The following RBM15 variants were observed in gnomAD, a reference collection of about 807,000 sequenced individuals.
The protein encoded by RBM15 is RNA-binding protein 15.
RBM15 carries 8 observed loss-of-function variants against 62.6 expected under a neutral mutation model. The ratio of observed to expected loss-of-function variants is 0.13; its 90% CI spans 0.07 to 0.23. The LOEUF is 0.23. Among genes scored for constraint, RBM15 ranks in the 10% least tolerant of loss-of-function variants. The pLI, the probability that RBM15 is intolerant of heterozygous loss-of-function variation, is 1.00. For missense variants in RBM15, 1,144 were observed against 1,286.5 expected, an observed-to-expected ratio of 0.89 and a Z score of 1.69; for synonymous variants, 606 against 505.7, an observed-to-expected ratio of 1.20 and a Z score of -2.66.
chr1:110,339,850 G>T lies in RBM15; in HGVS notation c.445G>T (p.Gly149Trp). The change falls in exon 1 of 3, where the codon GGG becomes TGG. Residue 149 changes from glycine (G) to tryptophan (W), a missense_variant. By Grantham distance (184) the Gly-to-Trp change is radical. Around this residue, in one of 8 missense-constraint regions of RBM15, gnomAD observed 298 missense variants for 250.0 expected, o/e 1.19. Coordinates refer to ENST00000369784, the MANE Select transcript of RBM15 (RefSeq NM_022768.5). ...GCGCAGCAGCTCCCGGGGTGGAGGC[G>T]GGGAGTCACGTTCCTCTGGGGCCGC... The part of the protein sequence containing the change: ...ESRSSSRGGG[G>W]ESRSSGAASS... The T allele has an allele frequency of 6.3e-7, 1 of 1,599,342 alleles. No homozygotes were observed. The highest frequency in any genetic ancestry group is 8.6e-7 in the Non-Finnish European group (1 of 1,169,250).
rs1660758693 is a variant in RBM15 at position 110,340,026 on chromosome 1, G to C, written c.621G>C (p.Leu207=). 6.2e-7 allele frequency: 1 copy of C among 1,614,044 alleles called. No homozygotes were observed. Among genetic ancestry groups the C allele is most frequent in the Non-Finnish European group, 8.5e-7 (1 of 1,180,048 alleles). ...ATGTAAGTGTGAAAATCAGTCATCT[G>C]TCGGGTTCTGGCAGCGGGGATGAGC... ...FGDVSVKISH[L]SGSGSGDERV... The change falls in exon 1 of 3, where the codon CTG becomes CTC. Residue 207 remains leucine (L), a synonymous_variant. Transcript: ENST00000369784. The surrounding 1 kb of genome is among the most constrained non-coding windows in gnomAD (Gnocchi z 5.8).
At position 110,341,437 on chromosome 1, in the gene RBM15, A is replaced by T. The variant is rs752702048; in HGVS notation, c.2032A>T (p.Ser678Cys). The T allele has an allele frequency of 6.8e-6, 11 of 1,613,986 alleles. No individual in the cohort carries two copies. In the East Asian group the frequency reaches 2.2e-4, roughly 33 times the overall value. Residue 678 changes from serine (S) to cysteine (C), a missense_variant, in exon 1 of 3, where the codon AGC (serine) becomes TGC (cysteine). Around this residue, in one of 8 missense-constraint regions of RBM15, gnomAD observed 360 missense variants for 342.9 expected, o/e 1.05. Coordinates refer to ENST00000369784, the MANE Select transcript of RBM15 (RefSeq NM_022768.5). This position sits in a 1 kb window ranked among gnomAD's most constrained non-coding sequence, Gnocchi z 4.5. ...TTCTCCTGACCGCAGTCCAGAATTGAGCAGTAGCCGGGATCGTTACAACAG... is the reference window on the plus strand; with the variant it reads ...TTCTCCTGACCGCAGTCCAGAATTGTGCAGTAGCCGGGATCGTTACAACAG... ...APSPDRSPEL[S>C]SSRDRYNSDN...
chr1:110,341,484 T>C lies in RBM15; in HGVS notation c.2079T>C (p.Arg693=). Residue 693 remains arginine, a synonymous_variant, in exon 1 of 3, where the codon CGT becomes CGC. Transcript: ENST00000369784. The surrounding 1 kb of genome is among the most constrained non-coding windows in gnomAD (Gnocchi z 4.5). The stretch of plus-strand genomic sequence containing the variant: ...ACAGCGACAATGATCGATCTTCCCG[T>C]CTTCTCTTGGAAAGGCCCTCTCCAA... ...RYNSDNDRSS[R]LLLERPSPIR... The C allele has an allele frequency of 6.2e-7, 1 of 1,614,040 alleles. No individual in the cohort carries two copies. Among genetic ancestry groups the C allele is most frequent in the Non-Finnish European group, 8.5e-7 (1 of 1,180,012 alleles).
rs1430800049 is a variant in RBM15, at chr1:110,341,464, G to A, written c.2059G>A (p.Asp687Asn). The change falls in exon 1 of 3, where the codon GAC becomes AAC. Residue 687 changes from aspartate (D) to asparagine (N), a missense_variant. By Grantham distance (23) the Asp-to-Asn change is conservative (BLOSUM62 1). This residue lies in a region of RBM15 where 360 missense variants were observed against 342.9 expected (regional missense o/e 1.05). Coordinates refer to ENST00000369784, the MANE Select transcript of RBM15 (RefSeq NM_022768.5). This position sits in a 1 kb window ranked among gnomAD's most constrained non-coding sequence, Gnocchi z 4.5. Reference sequence around the variant, plus strand: ...CAGTAGCCGGGATCGTTACAACAGCGACAATGATCGATCTTCCCGTCTTCT... The same window carrying A: ...CAGTAGCCGGGATCGTTACAACAGCAACAATGATCGATCTTCCCGTCTTCT... ...LSSSRDRYNS[D>N]NDRSSRLLLE... 10 of 1,613,974 alleles carry A rather than the reference G, an allele frequency of 6.2e-6. No individual in the cohort carries two copies. Among genetic ancestry groups the A allele is most frequent in the Non-Finnish European group, 8.5e-6 (10 of 1,180,044 alleles).
intron 1 of RBM15, among the ~76,000 whole-genome samples, chr1:110,343,605 T>TA (rs986525643): frequency 2.0e-5 from 3 of 152,024 alleles, no homozygotes; most frequent in Non-Finnish European, 4.4e-5. Flanking sequence ...TTTTTTTTTT[T>TA]AATCTATCCC....
At chr1:110,343,093 A>C (rs1660834294) in intron 1 of RBM15, among the ~76,000 whole-genome samples, 1 of 152,184 alleles carries the variant, frequency 6.6e-6, no homozygotes, top group Non-Finnish European at 1.5e-5. Flanking sequence ...TAGCAGGTAC[A>C]GTTCTAATCG....
intron 2 of RBM15, among the ~76,000 whole-genome samples, chr1:110,345,973 G>T (rs1417628083): frequency 6.6e-6 from 1 of 151,970 alleles, no homozygotes. Flanking sequence ...TATATTGATA[G>T]ATTATAAATT....
chr1:110,340,289 C>T lies in RBM15; in HGVS notation c.884C>T (p.Pro295Leu), dbSNP rs751703433. The T allele has an allele frequency of 2.5e-6, 4 of 1,614,242 alleles. No individual in the cohort carries two copies. The Admixed American group carries it at 6.7e-5, about 27-fold the overall frequency. Residue 295 changes from proline to leucine, a missense_variant, in exon 1 of 3, where the codon CCT becomes CTT. Around this residue, in one of 8 missense-constraint regions of RBM15, gnomAD observed 188 missense variants for 185.6 expected, o/e 1.01. Transcript: ENST00000369784. The surrounding 1 kb of genome is among the most constrained non-coding windows in gnomAD (Gnocchi z 5.8). ...GGGGGQRSLS[P>L]GGAALGYRDY... ...GGTGGAGGCCAGAGATCACTTTCCC[C>T]TGGTGGCGCTGCTTTGGGATACAGA...
rs941669699 is a variant in RBM15, at chr1:110,339,738, G to A, written c.333G>A (p.Glu111=). The change falls in exon 1 of 3, where the codon GAG becomes GAA. Residue 111 remains glutamate, a synonymous_variant. Coordinates refer to ENST00000369784, the MANE Select transcript of RBM15 (RefSeq NM_022768.5). ...DKSSSRGGSR[E]YDTGGGSSSS... is the part of the protein sequence containing the mutation. Reference sequence around the variant, plus strand: ...CCAGCAGTCGAGGTGGCAGCCGCGAGTATGATACCGGTGGGGGCAGCTCCA... The same window carrying A: ...CCAGCAGTCGAGGTGGCAGCCGCGAATATGATACCGGTGGGGGCAGCTCCA... 5.6e-6 allele frequency: 9 copies of A among 1,612,728 alleles called. No individual in the cohort carries two copies. Among genetic ancestry groups the A allele is most frequent in the Non-Finnish European group, 7.6e-6 (9 of 1,179,724 alleles).
rs983899000 is a variant in RBM15, at chr1:110,341,209, G to C, written c.1804G>C (p.Ala602Pro). ...CCGAGAACGCAGCACTCGGACTGCA[G>C]CTACTTCTGTGCCTGCTTACGAGCC... Reference protein sequence around the residue: ...PVRERSTRTAATSVPAYEPLD... With the variant: ...PVRERSTRTAPTSVPAYEPLD... The change falls in exon 1 of 3, where the codon GCT becomes CCT. Residue 602 changes from alanine to proline, a missense_variant. By Grantham distance (27) the Ala-to-Pro change is conservative (BLOSUM62 -1). Coordinates refer to ENST00000369784, the MANE Select transcript of RBM15 (RefSeq NM_022768.5). The surrounding 1 kb of genome is among the most constrained non-coding windows in gnomAD (Gnocchi z 4.5). 1 of 1,614,110 alleles carries C rather than the reference G, an allele frequency of 6.2e-7. No individual in the cohort carries two copies. Among genetic ancestry groups the C allele is most frequent in the Non-Finnish European group, 8.5e-7 (1 of 1,180,022 alleles).
In RBM15 at chr1:110,346,293, C is replaced by T. The variant is rs992683586; in HGVS notation, c.*41-15C>T. 4 of 1,587,784 alleles carry T rather than the reference C, an allele frequency of 2.5e-6. No homozygotes were observed. The Admixed American group carries it at 5.1e-5, about 20-fold the overall frequency. On this transcript the variant is annotated splice_polypyrimidine_tract_variant and intron_variant, in intron 2 of 2. Coordinates refer to ENST00000369784, the MANE Select transcript of RBM15 (RefSeq NM_022768.5). ...CATTTGTACTGAATAACCTTTTTTT[C>T]CCCCCCTCCGCAAGCAAAACTGGTT...
At chr1:110,345,279 G>T (rs1660875803) in intron 1 of RBM15, among the ~76,000 whole-genome samples, 1 of 152,052 alleles carries the variant, frequency 6.6e-6, no homozygotes, top group Admixed American at 6.6e-5. Context: ...CATTGTTTAG[G>T]TTTATTTAAA....
In RBM15 at chr1:110,339,624, G is replaced by A. The variant is rs748851589; in HGVS notation, c.219G>A (p.Lys73=). 3.7e-6 allele frequency: 6 copies of A among 1,613,190 alleles called. No individual in the cohort carries two copies. The Admixed American group carries it at 5.0e-5, about 13-fold the overall frequency. ...DSTSRGERSK[K]LGGSGGSNGS... Reference sequence around the variant, plus strand: ...CTTCCCGCGGTGAGCGGAGCAAGAAGTTAGGGGGCTCTGGTGGCAGCAATG... The same window carrying A: ...CTTCCCGCGGTGAGCGGAGCAAGAAATTAGGGGGCTCTGGTGGCAGCAATG... The change falls in exon 1 of 3, where the codon AAG becomes AAA. Residue 73 remains lysine, a synonymous_variant. Transcript: ENST00000369784.
At position 110,341,356 on chromosome 1, in the gene RBM15, C is replaced by T; in HGVS notation, c.1951C>T (p.Arg651Cys). The change falls in exon 1 of 3, where the codon CGT (arginine) becomes TGT (cysteine). Residue 651 changes from arginine to cysteine, a missense_variant. Around this residue, in one of 8 missense-constraint regions of RBM15, gnomAD observed 360 missense variants for 342.9 expected, o/e 1.05. Coordinates refer to ENST00000369784, the MANE Select transcript of RBM15 (RefSeq NM_022768.5). This position sits in a 1 kb window ranked among gnomAD's most constrained non-coding sequence, Gnocchi z 4.5. ...KRRLPEESGG[R>C]HLDRSPESDR... ...AAGGCTGCCTGAGGAGAGTGGAGGA[C>T]GTCATCTGGATAGGTCTCCTGAGAG... 1 of 1,614,066 alleles carries T rather than the reference C, an allele frequency of 6.2e-7. No homozygotes were observed. Among genetic ancestry groups the T allele is most frequent in the Non-Finnish European group, 8.5e-7 (1 of 1,179,986 alleles).
chr1:110,340,352 C>G lies in RBM15; in HGVS notation c.947C>G (p.Pro316Arg). The G allele has an allele frequency of 1.2e-6, 2 of 1,614,150 alleles. No individual in the cohort carries two copies. The highest frequency in any genetic ancestry group is 1.1e-5 in the South Asian group (1 of 91,078). Residue 316 changes from proline (P) to arginine (R), a missense_variant, in exon 1 of 3, where the codon CCC (proline) becomes CGC (arginine). By Grantham distance (103) the Pro-to-Arg change is moderately radical (BLOSUM62 -2). Around this residue, in one of 8 missense-constraint regions of RBM15, gnomAD observed 188 missense variants for 185.6 expected, o/e 1.01. Transcript: ENST00000369784. The surrounding 1 kb of genome is among the most constrained non-coding windows in gnomAD (Gnocchi z 5.8). ...CAGCAGTTGGCTCTTGGCCGCCTGC[C>G]CCCTCCACCTCCGCCACCATTGCCT... The part of the protein sequence containing the change: ...RLQQLALGRL[P>R]PPPPPPLPRD...
At position 110,340,850 on chromosome 1, in the gene RBM15, G is replaced by A. The variant is rs113985065; in HGVS notation, c.1445G>A (p.Arg482His). 6.2e-7 allele frequency: 1 copy of A among 1,614,170 alleles called. No individual in the cohort carries two copies. The highest frequency in any genetic ancestry group is 2.2e-5 in the East Asian group (1 of 44,878). ...AREFDRFGTI[R>H]TIDYRKGDSW... is the part of the protein sequence containing the mutation. ...GAATTTGATCGATTTGGCACCATAC[G>A]CACCATAGACTACCGAAAAGGTGAT... is the stretch of plus-strand genomic sequence containing the variant. Residue 482 changes from arginine (R) to histidine (H), a missense_variant, in exon 1 of 3, where the codon CGC becomes CAC. Around this residue, in one of 8 missense-constraint regions of RBM15, gnomAD observed 105 missense variants for 193.6 expected, o/e 0.54. Transcript: ENST00000369784. The surrounding 1 kb of genome is among the most constrained non-coding windows in gnomAD (Gnocchi z 5.8).
In RBM15 at chr1:110,344,576, T is replaced by C. The variant is rs544530711; in HGVS notation, c.2864-963T>C. The stretch of plus-strand genomic sequence containing the variant: ...ATACCATTTCTAAATGTATGTATTA[T>C]AAAAAACTAATTATGTTTAGTTGGT... On this transcript the variant is annotated intron_variant, in intron 1 of 2. Transcript: ENST00000369784. Among the ~76,000 whole-genome samples the C allele has an allele frequency of 2.0e-5, 3 of 152,254 alleles. No individual in the cohort carries two copies. The South Asian group carries it at 6.2e-4, about 32-fold the overall frequency.
At position 110,340,113 on chromosome 1, in the gene RBM15, C is replaced by G; in HGVS notation, c.708C>G (p.Gly236=). The change falls in exon 1 of 3, where the codon GGC becomes GGG. Residue 236 remains glycine (G), a synonymous_variant. Transcript: ENST00000369784. This position sits in a 1 kb window ranked among gnomAD's most constrained non-coding sequence, Gnocchi z 5.8. ...EDARAAKHAR[G]RLVLYDRPLK... ...CGCGGGCGGCCAAGCATGCCAGAGG[C>G]CGCCTGGTGCTCTATGACCGGCCTC... The G allele has an allele frequency of 6.2e-7, 1 of 1,613,810 alleles. No homozygotes were observed. Among genetic ancestry groups the G allele is most frequent in the Non-Finnish European group, 8.5e-7 (1 of 1,179,954 alleles).
rs766702862 is a variant in RBM15 at position 110,340,416 on chromosome 1, G to A, written c.1011G>A (p.Glu337=). ...LERERDYPFY[E]RVRPAYSLEP... ...GAGAAAGAGACTACCCGTTCTATGA[G>A]AGAGTGCGCCCTGCATACAGTCTTG... The change falls in exon 1 of 3, where the codon GAG becomes GAA. Residue 337 remains glutamate (E), a synonymous_variant. Transcript: ENST00000369784. The surrounding 1 kb of genome is among the most constrained non-coding windows in gnomAD (Gnocchi z 5.8). 1.2e-6 allele frequency: 2 copies of A among 1,614,106 alleles called. No individual in the cohort carries two copies. Among genetic ancestry groups the A allele is most frequent in the Non-Finnish European group, 1.7e-6 (2 of 1,180,044 alleles).
Sources: gnomAD v4.1 joint callset for allele counts (sites outside exome capture counted in the v4.1 genomes callset) on GRCh38, gnomAD v4.1.1 for gene constraint, gnomAD v4.1.1 regional missense constraint, Gnocchi (gnomAD v3.1) non-coding constraint, MANE v1.5 for transcripts, NCBI Gene and HGNC (gene_info 2026-07-23, HGNC 2026-07-21) for gene names.